The following FBXL17 variants were observed in gnomAD, a reference collection of about 807,000 sequenced individuals.
FBXL17 encodes the protein F-box/LRR-repeat protein 17.
A neutral mutation model predicts 66.2 loss-of-function variants in FBXL17; 22 were observed. The ratio of observed to expected loss-of-function variants is 0.33; its 90% CI spans 0.24 to 0.47. FBXL17 has a LOEUF of 0.47. Among genes scored for constraint, FBXL17 ranks in the 20% least tolerant of loss-of-function variants. FBXL17 has a pLI of 1.00. For synonymous variants in FBXL17, 474 were observed against 400.5 expected, an observed-to-expected ratio of 1.18 and a Z score of -2.19; for missense variants, 878 against 948.2, an observed-to-expected ratio of 0.93 and a Z score of 0.97.
intron 6 of FBXL17, among the ~76,000 whole-genome samples, chr5:108,167,615 T>G (rs549902353): frequency 8.0e-4 from 122 of 152,298 alleles, no homozygotes; most frequent in Non-Finnish European, 1.4e-3. Context: ...ACTGACCTTC[T>G]CTGGTGGCCA....
chr5:108,123,371 T>C (rs764723081), intron 6 of FBXL17, among the ~76,000 whole-genome samples: 57 of 152,216 alleles, frequency 3.7e-4, no homozygotes, highest in Non-Finnish European at 7.4e-4. Flanking sequence ...CTTAAAATAA[T>C]TGAGAGAAAC....
At chr5:108,049,494 A>G (rs1412508390) in intron 6 of FBXL17, among the ~76,000 whole-genome samples, 2 of 152,098 alleles carry the variant, frequency 1.3e-5, no homozygotes, top group Admixed American at 6.6e-5. Context: ...ACTAACCTTC[A>G]TAAGTGAAGG....
intron 6 of FBXL17, among the ~76,000 whole-genome samples, chr5:108,126,566 T>C (rs1379278661): frequency 6.6e-6 from 1 of 151,518 alleles, no homozygotes; most frequent in Non-Finnish European, 1.5e-5. Context: ...ATTTTATATA[T>C]GTGTGTATAT....
chr5:108,170,505 T>C (rs750199847), intron 6 of FBXL17, among the ~76,000 whole-genome samples: 6 of 152,196 alleles, frequency 3.9e-5, no homozygotes, highest in Non-Finnish European at 5.9e-5. Flanking sequence ...ATTACATATA[T>C]ACCATAGAAG....
intron 4 of FBXL17, among the ~76,000 whole-genome samples, chr5:108,264,806 C>T (rs1482743688): frequency 2.0e-5 from 3 of 151,362 alleles, no homozygotes; most frequent in Non-Finnish European, 4.4e-5. Flanking sequence ...TATAACTCTT[C>T]TAATTTCAGT....
chr5:108,290,478 T>C (rs1306987578), intron 4 of FBXL17, among the ~76,000 whole-genome samples: 9 of 152,188 alleles, frequency 5.9e-5, no homozygotes, highest in Admixed American at 5.9e-4. Context: ...TTCTTCAAAA[T>C]TATTTGGCTC....
At chr5:108,024,085 T>C (rs1027073121) in intron 6 of FBXL17, among the ~76,000 whole-genome samples, 1 of 152,132 alleles carries the variant, frequency 6.6e-6, no homozygotes, top group African/African-American at 2.4e-5. Context: ...CCATCACTCC[T>C]ATAGGCAAAG....
chr5:108,190,668 A>G (rs1580586229), intron 5 of FBXL17, among the ~76,000 whole-genome samples: 1 of 150,398 alleles, frequency 6.6e-6, no homozygotes, highest in Admixed American at 6.9e-5. Context: ...TCACTGGTCA[A>G]GTTCTCTTGT....
intron 7 of FBXL17, among the ~76,000 whole-genome samples, chr5:107,883,097 G>A (rs1029547494): frequency 2.6e-5 from 4 of 152,206 alleles, no homozygotes; most frequent in South Asian, 2.1e-4. Context: ...TAAGCACCTC[G>A]TGAGCTCTAG....
intron 7 of FBXL17, among the ~76,000 whole-genome samples, chr5:107,934,936 T>C (rs772553289): frequency 1.3e-5 from 2 of 152,148 alleles, no homozygotes; most frequent in Non-Finnish European, 2.9e-5. Context: ...TTCTTTTGAC[T>C]GGAAATAAAA....
At chr5:107,933,598 C>T (rs1263522536) in intron 7 of FBXL17, among the ~76,000 whole-genome samples, 2 of 152,074 alleles carry the variant, frequency 1.3e-5, no homozygotes, top group African/African-American at 2.4e-5. Context: ...TTAAACAATA[C>T]CCTGTTCCCT....
intron 7 of FBXL17, among the ~76,000 whole-genome samples, chr5:108,010,851 A>G (rs1219429250): frequency 6.6e-6 from 1 of 152,226 alleles, no homozygotes; most frequent in Non-Finnish European, 1.5e-5. Context: ...GGGATGATGC[A>G]AAACCACTGC....
intron 4 of FBXL17, among the ~76,000 whole-genome samples, chr5:108,267,022 C>G (rs933630094): frequency 6.6e-6 from 1 of 151,934 alleles, no homozygotes; most frequent in Non-Finnish European, 1.5e-5. Context: ...GCATAAGTTG[C>G]ATTTAATTTT....
rs976847604 is a variant in FBXL17 at position 108,144,376 on chromosome 5, G to A, written c.1745+41741C>T. Among the ~76,000 whole-genome samples, 4 of 152,078 alleles carry A rather than the reference G, an allele frequency of 2.6e-5. No individual in the cohort carries two copies. The East Asian group carries it at 5.8e-4, about 22-fold the overall frequency. On this transcript the variant is annotated intron_variant, in intron 6 of 8. Coordinates refer to ENST00000542267, the MANE Select transcript of FBXL17 (RefSeq NM_001163315.3). Reference sequence around the variant, plus strand: ...TCTCATGGACCAAAATAAATACACTGGAATTATTTCTAACATGAAAAAGCC... The same window carrying A: ...TCTCATGGACCAAAATAAATACACTAGAATTATTTCTAACATGAAAAAGCC...
At chr5:107,905,106 A>C (rs186801895) in intron 7 of FBXL17, among the ~76,000 whole-genome samples, 1 of 152,224 alleles carries the variant, frequency 6.6e-6, no homozygotes, top group South Asian at 2.1e-4. Flanking sequence ...CTTAATAATA[A>C]AAGAATAATA....
intron 4 of FBXL17, among the ~76,000 whole-genome samples, chr5:108,274,207 T>C (rs2150141577): frequency 6.6e-6 from 1 of 152,306 alleles, no homozygotes; most frequent in South Asian, 2.1e-4. Context: ...TTCCTCTTCC[T>C]AATAAGCCTG....
intron 6 of FBXL17, among the ~76,000 whole-genome samples, chr5:108,091,329 C>T (rs2149930297): frequency 6.6e-6 from 1 of 152,294 alleles, no homozygotes. Flanking sequence ...TTAAAAACGG[C>T]CTCATTTCCT....
chr5:107,941,255 T>A (rs1242076505), intron 7 of FBXL17, among the ~76,000 whole-genome samples: 1 of 152,134 alleles, frequency 6.6e-6, no homozygotes, highest in Middle Eastern at 3.2e-3. Flanking sequence ...GCCATGGCAT[T>A]TAATGGAGTA....
chr5:108,154,662 C>CAT (rs1491451425), intron 6 of FBXL17, among the ~76,000 whole-genome samples: 1 of 130,798 alleles, frequency 7.6e-6, no homozygotes, highest in South Asian at 2.4e-4. Context: ...TATGTATATA[C>CAT]ATATATATGT....
Sources: allele counts gnomAD v4.1 joint callset (sites outside exome capture counted in the v4.1 genomes callset), GRCh38; gene constraint gnomAD v4.1.1; transcripts MANE v1.5; gene names NCBI Gene and HGNC (gene_info 2026-07-23, HGNC 2026-07-21).